The following DLGAP4 variants were observed in gnomAD, a reference collection of about 807,000 sequenced individuals.
DLGAP4 encodes the protein disks large-associated protein 4.
DLGAP4 carries 18 observed loss-of-function variants against 86.9 expected under a neutral mutation model. The observed-to-expected ratio is 0.21, with a 90% CI of 0.14 to 0.31. The LOEUF is 0.31. Among genes scored for constraint, DLGAP4 ranks in the 10% least tolerant of loss-of-function variants. DLGAP4 has a pLI of 1.00. For missense variants in DLGAP4, 1,085 were observed against 1,362.6 expected (o/e 0.80, Z 3.21); for synonymous variants, 548 against 574.3 (o/e 0.95, Z 0.65).
chr20:36,467,553 A>T (rs1261097444), intron 7 of DLGAP4, among the ~76,000 whole-genome samples: 3 of 152,308 alleles, frequency 2.0e-5, no homozygotes, highest in South Asian at 4.1e-4. Flanking sequence ...TTTCCAGAGG[A>T]TGAATCAGGC....
At chr20:36,497,264 G>C (rs1600654717) in intron 8 of DLGAP4, 198 bp downstream of exon 8, 2 of 985,456 alleles carry the variant, frequency 2.0e-6, no homozygotes, top group Non-Finnish European at 2.4e-6. Flanking sequence ...CGTGCTGCTG[G>C]TCAGCAGCTG....
intron 7 of DLGAP4, among the ~76,000 whole-genome samples, chr20:36,467,028 C>G (rs1416794347): frequency 1.0e-5 from 1 of 97,130 alleles, no homozygotes; most frequent in Non-Finnish European, 2.0e-5. Context: ...CTCTCTCTCT[C>G]TCTCTCTCTC....
chr20:36,478,307 G>A (rs1461027737), intron 7 of DLGAP4, among the ~76,000 whole-genome samples: 2 of 152,090 alleles, frequency 1.3e-5, no homozygotes, highest in African/African-American at 4.8e-5. Context: ...AGCATGCCCA[G>A]TGGAATCTGT....
At chr20:36,424,924 T>C (rs778273450) in intron 2 of DLGAP4, among the ~76,000 whole-genome samples, 9 of 152,104 alleles carry the variant, frequency 5.9e-5, no homozygotes, top group African/African-American at 1.2e-4. Context: ...TTAGTAGAGA[T>C]GGGGTTTCGC....
intron 2 of DLGAP4, among the ~76,000 whole-genome samples, chr20:36,396,338 C>CAT (rs2031953080): frequency 5.1e-3 from 2 of 396 alleles, no homozygotes; most frequent in African/African-American, 0.02. Context: ...CACACACACG[C>CAT]ACACACACAC....
intron 7 of DLGAP4, among the ~76,000 whole-genome samples, chr20:36,466,934 CTCTCTCTCTCTG>C (rs1297041333): frequency 6.7e-6 from 1 of 148,988 alleles, no homozygotes; most frequent in Non-Finnish European, 1.5e-5. Context: ...TGCTCTCTCT[CTCTCTCTCTCTG>C]TCTCTCTCTC....
At chr20:36,327,021 A>G (rs1419915178) in intron 1 of DLGAP4, among the ~76,000 whole-genome samples, 7 of 74,452 alleles carry the variant, frequency 9.4e-5, no homozygotes, top group Admixed American at 1.8e-4. Context: ...TTTTTTTTTG[A>G]GACAGTCTCA....
chr20:36,470,898 T>A (rs991400787), intron 7 of DLGAP4, among the ~76,000 whole-genome samples: 4 of 152,166 alleles, frequency 2.6e-5, no homozygotes, highest in Non-Finnish European at 4.4e-5. Flanking sequence ...GTTTAGCTTG[T>A]TCTCAATCTT....
chr20:36,445,682 G>A (rs1313748996), intron 6 of DLGAP4, among the ~76,000 whole-genome samples: 1 of 152,154 alleles, frequency 6.6e-6, no homozygotes, highest in East Asian at 1.9e-4. Flanking sequence ...ACAGCTGGGT[G>A]GGACACAGCT....
chr20:36,322,940 T>A (rs1312505280), intron 1 of DLGAP4, among the ~76,000 whole-genome samples: 3 of 151,928 alleles, frequency 2.0e-5, no homozygotes, highest in Non-Finnish European at 4.4e-5. Flanking sequence ...TTTGGGAGGT[T>A]GAGGAGGGTG....
At chr20:36,496,495 C>T (rs1279709008) in intron 7 of DLGAP4, among the ~76,000 whole-genome samples, 5 of 152,218 alleles carry the variant, frequency 3.3e-5, no homozygotes, top group African/African-American at 4.8e-5. Context: ...GACTTTGTCT[C>T]GAATGAGGGT....
At chr20:36,396,210 C>T (rs1320854589) in intron 2 of DLGAP4, among the ~76,000 whole-genome samples, 1 of 151,888 alleles carries the variant, frequency 6.6e-6, no homozygotes, top group African/African-American at 2.4e-5. Flanking sequence ...TGCCCCTCAG[C>T]ACCGCAGAAG....
At chr20:36,395,070 AAC>A (rs201829185) in intron 2 of DLGAP4, among the ~76,000 whole-genome samples, 17 of 151,618 alleles carry the variant, frequency 1.1e-4, no homozygotes, top group Non-Finnish European at 2.4e-4. Context: ...CCCTTCACCC[AAC>A]ACACACACAC....
In DLGAP4 at chr20:36,431,822, G is replaced by A. The variant is rs371870979; in HGVS notation, c.105G>A (p.Ser35=). ...CCGACCGCAACCCCTACCTGCTGTC[G>A]CCCACGGAGGCCTTCGCCCGCGAGG... ...AGTDRNPYLL[S]PTEAFAREAR... Residue 35 remains serine (S), a synonymous_variant, in exon 3 of 13, where the codon TCG becomes TCA. Transcript: ENST00000339266. This position sits in a 1 kb window ranked among gnomAD's most constrained non-coding sequence, Gnocchi z 5.1. The A allele has an allele frequency of 1.1e-5, 18 of 1,613,574 alleles. No homozygotes were observed. The highest frequency in any genetic ancestry group is 9.4e-5 in the African/African-American group (7 of 74,864).
At chr20:36,504,271 A>G (rs1044997178) in intron 10 of DLGAP4, among the ~76,000 whole-genome samples, 1 of 152,170 alleles carries the variant, frequency 6.6e-6, no homozygotes, top group African/African-American at 2.4e-5. Context: ...AGCCGCTGGT[A>G]TCCTCTACTT....
chr20:36,313,669 T>C (rs2065072261), intron 1 of DLGAP4, among the ~76,000 whole-genome samples: 1 of 152,142 alleles, frequency 6.6e-6, no homozygotes, highest in South Asian at 2.1e-4. Context: ...CTCTGCCGCC[T>C]GTGTTTTCCA....
At chr20:36,342,802 A>C (rs542992979) in intron 1 of DLGAP4, among the ~76,000 whole-genome samples, 51 of 152,320 alleles carry the variant, frequency 3.3e-4, no homozygotes, top group African/African-American at 1.2e-3. Flanking sequence ...ACTAGTGTCC[A>C]GTACTGGGAG....
chr20:36,389,801 C>A (rs2031726173), intron 2 of DLGAP4, among the ~76,000 whole-genome samples: 1 of 152,170 alleles, frequency 6.6e-6, no homozygotes, highest in South Asian at 2.1e-4. Flanking sequence ...ATTCACTGTG[C>A]CCTTGAAAGG....
intron 2 of DLGAP4, among the ~76,000 whole-genome samples, chr20:36,381,065 C>T (rs1330342944): frequency 6.6e-6 from 1 of 152,236 alleles, no homozygotes; most frequent in Non-Finnish European, 1.5e-5. Context: ...ACCCACCTCA[C>T]AGGGAAAGAT....
Sources: allele counts gnomAD v4.1 joint callset (sites outside exome capture counted in the v4.1 genomes callset), GRCh38; gene constraint gnomAD v4.1.1; non-coding constraint Gnocchi (gnomAD v3.1); transcripts MANE v1.5; gene names NCBI Gene and HGNC (gene_info 2026-07-23, HGNC 2026-07-21).